The following MCTP1 variants were observed in gnomAD, a reference collection of about 807,000 sequenced individuals.
The protein encoded by MCTP1 is multiple C2 and transmembrane domain-containing protein 1.
A neutral mutation model predicts 120.6 loss-of-function variants in MCTP1; 69 were observed. The ratio of observed to expected loss-of-function variants is 0.57; its 90% CI spans 0.47 to 0.70. The LOEUF is 0.70. Ranked by LOEUF, MCTP1 falls within the 30% of genes least tolerant of loss-of-function variation. The pLI is 0.00. For synonymous variants in MCTP1, 529 were observed against 493.1 expected, an observed-to-expected ratio of 1.07 and a Z score of -0.96; for missense variants, 1,203 against 1,248.8, an observed-to-expected ratio of 0.96 and a Z score of 0.55.
Position 95,241,191 on chromosome 5 carries a change from T to C in MCTP1, c.720+42665A>G, listed in dbSNP as rs530286371. Among the ~76,000 whole-genome samples the C allele has an allele frequency of 8.5e-5, 13 of 152,274 alleles. No homozygotes were observed. The South Asian group carries it at 2.7e-3, about 32-fold the overall frequency. On this transcript the variant is annotated intron_variant, in intron 1 of 22. Transcript: ENST00000515393. ...GAAACTTTTAATTAGCCAAATATCTTCTCTATTATTATCCTTCATATTCAG... is the reference window on the plus strand; with the variant it reads ...GAAACTTTTAATTAGCCAAATATCTCCTCTATTATTATCCTTCATATTCAG...
At chr5:95,024,556 A>G (rs866597196) in intron 1 of MCTP1, among the ~76,000 whole-genome samples, 6 of 152,024 alleles carry the variant, frequency 3.9e-5, no homozygotes, top group African/African-American at 1.4e-4. Context: ...AAACAAGACA[A>G]GGATACCCAC....
chr5:94,713,247 G>A (rs534166001), intron 20 of MCTP1, among the ~76,000 whole-genome samples: 3 of 152,036 alleles, frequency 2.0e-5, no homozygotes, highest in Admixed American at 6.5e-5. Flanking sequence ...ATCATTTTGC[G>A]GGAGAGATGG....
At chr5:95,072,112 T>TGTGTGTGTGTGTGTGTGTGTGTGTGA (rs1437713153) in intron 1 of MCTP1, among the ~76,000 whole-genome samples, 1 of 151,888 alleles carries the variant, frequency 6.6e-6, no homozygotes, top group African/African-American at 2.4e-5. Flanking sequence ...TGTGTGTGTG[T>TGTGTGTGTGTGTGTGTGTGTGTGTGA]GATTGGAGGT....
At chr5:94,994,421 G>C (rs923847769) in intron 2 of MCTP1, among the ~76,000 whole-genome samples, 1 of 152,156 alleles carries the variant, frequency 6.6e-6, no homozygotes, top group Non-Finnish European at 1.5e-5. Flanking sequence ...AATAGCCTAC[G>C]GTGAGTAAAT....
intron 10 of MCTP1, among the ~76,000 whole-genome samples, chr5:94,901,111 T>C (rs190217268): frequency 1.3e-5 from 2 of 152,160 alleles, no homozygotes; most frequent in African/African-American, 4.8e-5. Flanking sequence ...CTGGGTAATT[T>C]ATATAGGAAA....
Position 94,705,588 on chromosome 5 carries a change from A to G in MCTP1, c.*1908T>C, listed in dbSNP as rs183675563. 1.3e-5 allele frequency: 2 copies of G among 151,540 alleles called. No homozygotes were observed. Among genetic ancestry groups the G allele is most frequent in the African/African-American group, 4.8e-5 (2 of 41,438 alleles). The allele number at this position is 151,540 out of a possible 1,614,324, so 9.4% of individuals were successfully genotyped here. A position where few individuals can be genotyped will look rare whatever the true frequency, so the allele number is the denominator to read the frequency against. The stretch of plus-strand genomic sequence containing the variant: ...TATTTAATACAGTGAATGTGTAGTC[A>G]GCATTACCATTGAACTAAACATCTG... On this transcript the variant is annotated 3_prime_UTR_variant, in exon 23 of 23. Transcript: ENST00000515393.
chr5:94,893,465 T>G (rs1200629198), intron 11 of MCTP1, among the ~76,000 whole-genome samples: 1 of 152,190 alleles, frequency 6.6e-6, no homozygotes, highest in Non-Finnish European at 1.5e-5. Flanking sequence ...TCACACAATA[T>G]CTTAGGCTCT....
At chr5:95,157,671 A>G (rs1246642219) in intron 1 of MCTP1, among the ~76,000 whole-genome samples, 1 of 152,238 alleles carries the variant, frequency 6.6e-6, no homozygotes, top group Admixed American at 6.5e-5. Context: ...TCATTATGGA[A>G]AAGTAATGTA....
chr5:95,000,029 A>T (rs908707439), intron 2 of MCTP1, among the ~76,000 whole-genome samples: 5 of 152,170 alleles, frequency 3.3e-5, no homozygotes, highest in African/African-American at 1.2e-4. Flanking sequence ...ATTTAGTACA[A>T]TCATGCACCA....
At chr5:95,195,944 C>T (rs1750340612) in intron 1 of MCTP1, among the ~76,000 whole-genome samples, 1 of 152,086 alleles carries the variant, frequency 6.6e-6, no homozygotes, top group African/African-American at 2.4e-5. Context: ...ATAAAGCTAG[C>T]TATTAGATTG....
At chr5:94,737,939 A>G (rs1764642282) in intron 19 of MCTP1, among the ~76,000 whole-genome samples, 1 of 152,342 alleles carries the variant, frequency 6.6e-6, no homozygotes. Context: ...TCGGCCTCCC[A>G]GAGTGCTGGG....
At chr5:94,965,611 A>G (rs1331725635) in intron 2 of MCTP1, among the ~76,000 whole-genome samples, 4 of 152,166 alleles carry the variant, frequency 2.6e-5, no homozygotes, top group Non-Finnish European at 5.9e-5. Flanking sequence ...TAGTCTCAAC[A>G]GGTATTTGTT....
chr5:94,752,369 C>T (rs1017369240), intron 19 of MCTP1, among the ~76,000 whole-genome samples: 7 of 151,812 alleles, frequency 4.6e-5, no homozygotes, highest in Non-Finnish European at 8.8e-5. Context: ...TGCAGCTGAT[C>T]AGCTTGACCA....
chr5:95,171,550 A>G (rs1452850502), intron 1 of MCTP1, among the ~76,000 whole-genome samples: 2 of 152,216 alleles, frequency 1.3e-5, no homozygotes, highest in Non-Finnish European at 2.9e-5. Flanking sequence ...AGGTACACCA[A>G]TCAGACGTAG....
chr5:95,015,041 G>A (rs1836811609), intron 2 of MCTP1, among the ~76,000 whole-genome samples: 1 of 152,008 alleles, frequency 6.6e-6, no homozygotes, highest in Non-Finnish European at 1.5e-5. Context: ...TAGCAATAAA[G>A]TATTTTTAAA....
intron 5 of MCTP1, among the ~76,000 whole-genome samples, chr5:94,934,015 G>A (rs1815489291): frequency 6.6e-6 from 1 of 151,754 alleles, no homozygotes; most frequent in African/African-American, 2.4e-5. Flanking sequence ...AGTATCTAAA[G>A]TTCTATTACT....
At chr5:95,278,738 G>A (rs994548898) in intron 1 of MCTP1, among the ~76,000 whole-genome samples, 12 of 152,000 alleles carry the variant, frequency 7.9e-5, no homozygotes, top group Admixed American at 2.6e-4. Flanking sequence ...CGAGGTGAGC[G>A]GATCACCTGA....
intron 19 of MCTP1, among the ~76,000 whole-genome samples, chr5:94,764,636 G>C (rs1051011408): frequency 3.3e-5 from 5 of 151,974 alleles, no homozygotes; most frequent in Admixed American, 6.6e-5. Flanking sequence ...AGGAGACAAA[G>C]AAGGTCATTA....
chr5:94,956,929 C>G (rs1466966997), intron 2 of MCTP1, among the ~76,000 whole-genome samples: 1 of 152,116 alleles, frequency 6.6e-6, no homozygotes, highest in South Asian at 2.1e-4. Flanking sequence ...CACAAAGATA[C>G]TCCTCAAGAA....
Sources: allele counts gnomAD v4.1 joint callset (sites outside exome capture counted in the v4.1 genomes callset), GRCh38; gene constraint gnomAD v4.1.1; transcripts MANE v1.5; gene names NCBI Gene and HGNC (gene_info 2026-07-23, HGNC 2026-07-21).